ABCB4: variants seen among roughly 807,000 people sequenced by gnomAD.
ABCB4 encodes the protein ATP binding cassette subfamily B member 4, also known as phosphatidylcholine translocator ABCB4.
A neutral mutation model predicts 145.7 loss-of-function variants in ABCB4; 76 were observed. That is an observed-to-expected ratio of 0.52 (90% confidence interval 0.43 to 0.63). The LOEUF is 0.63. ABCB4 is among the 30% of genes least tolerant of loss of function. The probability of loss-of-function intolerance (pLI) is 0.00; values close to 1 mark genes in which losing one functional copy is unlikely to be tolerated. For synonymous variants in ABCB4, 517 were observed against 566.8 expected (o/e 0.91, Z 1.25); for missense variants, 1,234 against 1,553.1 (o/e 0.79, Z 3.45).
chr7:87,416,941 T>C (rs1035326098), intron 21 of ABCB4, among the ~76,000 whole-genome samples: 9 of 152,224 alleles, frequency 5.9e-5, no homozygotes, highest in African/African-American at 2.2e-4. Context: ...ATCTCTTAAA[T>C]GCCAGCACAT....
chr7:87,382,912 G>A, the ABCB4 span, among the ~76,000 whole-genome samples: 2 of 152,128 alleles, frequency 1.3e-5, no homozygotes, highest in East Asian at 1.9e-4. Flanking sequence ...GAATAGGAGC[G>A]ACATTAATTT....
chr7:87,424,891 A>G (rs1030601740), intron 16 of ABCB4, among the ~76,000 whole-genome samples: 1 of 152,186 alleles, frequency 6.6e-6, no homozygotes, highest in East Asian at 1.9e-4. Flanking sequence ...AAGCAGTTTA[A>G]CATTAAACTT....
rs1262769799 is a variant in ABCB4 at position 87,440,241 on chromosome 7, G to A, written c.1518C>T (p.Val506=). Residue 506 remains valine, a synonymous_variant, in exon 13 of 28, where the codon GTC becomes GTT. Transcript: ENST00000649586. The stretch of plus-strand genomic sequence containing the variant: ...TAAACTCATAGGCGTTGGCCTCTTT[G>A]ACAGCTTTCTTTATCTCATCCATGG... ...NVTMDEIKKA[V]KEANAYEFIM... 11 of 1,613,956 alleles carry A rather than the reference G, an allele frequency of 6.8e-6. No individual in the cohort carries two copies. Among genetic ancestry groups the A allele is most frequent in the Non-Finnish European group, 6.8e-6 (8 of 1,180,018 alleles).
At chr7:87,450,229 G>A (rs1811621421) in intron 7 of ABCB4, 137 bp from the exon 8 acceptor site, 15 of 1,242,204 alleles carry the variant, frequency 1.2e-5, no homozygotes, top group Non-Finnish European at 1.1e-6. Flanking sequence ...AAATGCCAGT[G>A]TTCTGGATCC....
intron 12 of ABCB4, among the ~76,000 whole-genome samples, chr7:87,442,728 A>C (rs1811069873): frequency 6.6e-6 from 1 of 152,184 alleles, no homozygotes; most frequent in Non-Finnish European, 1.5e-5. Flanking sequence ...ATCTGGGTGA[A>C]GGATCTGTGA....
intron 23 of ABCB4, among the ~76,000 whole-genome samples, chr7:87,410,118 C>G (rs2116386294): frequency 6.6e-6 from 1 of 152,112 alleles, no homozygotes; most frequent in Admixed American, 6.5e-5. Context: ...AAAAAGTCAC[C>G]TTAAACTAAA....
chr7:87,407,770 G>T (rs977168571), intron 25 of ABCB4, among the ~76,000 whole-genome samples: 6 of 152,194 alleles, frequency 3.9e-5, no homozygotes, highest in African/African-American at 1.2e-4. Flanking sequence ...TATTTGCTTA[G>T]AACAATCAGA....
chr7:87,460,267 T>G (rs775410412), intron 4 of ABCB4, among the ~76,000 whole-genome samples: 5 of 152,210 alleles, frequency 3.3e-5, no homozygotes, highest in Non-Finnish European at 5.9e-5. Flanking sequence ...TCTGCATTTC[T>G]TTTTTCTTTT....
intron 19 of ABCB4, among the ~76,000 whole-genome samples, chr7:87,418,835 A>AG (rs969524909): frequency 9.2e-5 from 14 of 152,196 alleles, no homozygotes; most frequent in African/African-American, 3.1e-4. Context: ...TCTCTGGTCT[A>AG]GGGGGGCAGG....
downstream of ABCB4, among the ~76,000 whole-genome samples, chr7:87,400,432 C>G (rs1040923503): frequency 7.9e-5 from 12 of 152,160 alleles, no homozygotes; most frequent in Non-Finnish European, 1.2e-4. Flanking sequence ...GCCCTTTACA[C>G]TGTGCCAGCC....
At chr7:87,391,825 T>C in the ABCB4 span, 2 of 1,046,598 alleles carry the variant, frequency 1.9e-6, no homozygotes, top group African/African-American at 3.4e-5. Flanking sequence ...ATTAAAATAC[T>C]TTGAGACATC....
chr7:87,473,141 T>C lies in ABCB4; in HGVS notation c.81-466A>G, dbSNP rs45528135. ...ACCAGTAGGGCAGCCTCCTGCCTAGTCTCTCCACTTCCACCTATGCCGCTT... is the reference window on the plus strand; with the variant it reads ...ACCAGTAGGGCAGCCTCCTGCCTAGCCTCTCCACTTCCACCTATGCCGCTT... On this transcript the variant is annotated intron_variant, in intron 2 of 27. Coordinates refer to ENST00000649586, the MANE Select transcript of ABCB4 (RefSeq NM_000443.4). Among the ~76,000 whole-genome samples, 17 of 152,336 alleles carry C rather than the reference T, an allele frequency of 1.1e-4. No homozygotes were observed. In the East Asian group the frequency reaches 1.9e-3, roughly 17 times the overall value.
intron 14 of ABCB4, among the ~76,000 whole-genome samples, chr7:87,434,298 T>C (rs754743696): frequency 6.6e-6 from 1 of 151,938 alleles, no homozygotes; most frequent in African/African-American, 2.4e-5. Context: ...GGAGTGTGCA[T>C]GTAGGTATGA....
intron 14 of ABCB4, among the ~76,000 whole-genome samples, 191 bp from the exon 15 acceptor site, chr7:87,431,756 G>A (rs1323539515): frequency 1.3e-5 from 2 of 152,202 alleles, no homozygotes; most frequent in Non-Finnish European, 2.9e-5. Context: ...TTTGGGACCA[G>A]ACAAGTGGCT....
At chr7:87,475,890 C>G (rs1364068452), upstream of ABCB4, among the ~76,000 whole-genome samples, 6 of 151,970 alleles carry the variant, frequency 3.9e-5, no homozygotes, top group Non-Finnish European at 5.9e-5. Context: ...CCGGGGCGCC[C>G]GGCTGGGGCC....
chr7:87,386,755 G>A, the ABCB4 span, among the ~76,000 whole-genome samples: 2 of 152,212 alleles, frequency 1.3e-5, no homozygotes, highest in South Asian at 2.1e-4. Context: ...TAACACTGCT[G>A]AACAACCTCT....
In ABCB4 at chr7:87,447,454, G is replaced by A. The variant is rs140683225; in HGVS notation, c.834-249C>T. Among the ~76,000 whole-genome samples the A allele has an allele frequency of 2.1e-4, 32 of 152,256 alleles. No homozygotes were observed. In the East Asian group the frequency reaches 6.0e-3, roughly 28 times the overall value. ...CCATTCCAAGCCAACCAACATTCCT[G>A]TGGTTATTCCAGAATTGAGGGCTCA... On this transcript the variant is annotated intron_variant, in intron 8 of 27. Transcript: ENST00000649586.
the ABCB4 span, among the ~76,000 whole-genome samples, chr7:87,381,162 G>A: frequency 2.6e-5 from 4 of 152,148 alleles, no homozygotes; most frequent in Admixed American, 6.5e-5. Flanking sequence ...GCAGTGTCAC[G>A]TTCAGATCAT....
At chr7:87,471,211 A>G (rs1194020000) in intron 3 of ABCB4, among the ~76,000 whole-genome samples, 2 of 138,438 alleles carry the variant, frequency 1.4e-5, no homozygotes, top group Non-Finnish European at 3.1e-5. Context: ...ACCGGGGCCT[A>G]TTGTGGGGTG....
Sources: gnomAD v4.1 joint callset for allele counts (sites outside exome capture counted in the v4.1 genomes callset) on GRCh38, gnomAD v4.1.1 for gene constraint, MANE v1.5 for transcripts, NCBI Gene and HGNC (gene_info 2026-07-23, HGNC 2026-07-21) for gene names.